The following FOXP2 variants were observed in gnomAD, a reference collection of about 807,000 sequenced individuals.
FOXP2 encodes the protein forkhead box protein P2.
FOXP2 carries 12 observed loss-of-function variants against 115.8 expected under a neutral mutation model. That is an observed-to-expected ratio of 0.10 (90% confidence interval 0.07 to 0.17). The LOEUF (loss-of-function observed/expected upper bound fraction) is 0.17, where lower values mean the gene tolerates loss of function less well. FOXP2 is among the 10% of genes least tolerant of loss of function. The pLI, the probability that FOXP2 is intolerant of heterozygous loss-of-function variation, is 1.00. For missense variants in FOXP2, 629 were observed against 843.5 expected (o/e 0.75, Z 3.15); for synonymous variants, 328 against 297.7 (o/e 1.10, Z -1.05).
chr7:114,218,797 T>C (rs1399082683), intron 1 of FOXP2, among the ~76,000 whole-genome samples: 10 of 152,202 alleles, frequency 6.6e-5, no homozygotes, highest in Admixed American at 6.5e-4. Flanking sequence ...CTGTCAATCA[T>C]TAAGGATAGT....
intron 3 of FOXP2, among the ~76,000 whole-genome samples, chr7:114,564,392 G>A (rs1800900254): frequency 6.6e-6 from 1 of 151,980 alleles, no homozygotes; most frequent in Non-Finnish European, 1.5e-5. Flanking sequence ...TAAAACTTAG[G>A]ATCCATGGAT....
intron 1 of FOXP2, among the ~76,000 whole-genome samples, chr7:114,145,882 A>G (rs1051091818): frequency 6.6e-6 from 1 of 152,192 alleles, no homozygotes; most frequent in Non-Finnish European, 1.5e-5. Context: ...GTGTGTAAAC[A>G]TTATTTACAT....
Position 114,664,407 on chromosome 7 carries a change from T to C in FOXP2, c.1974T>C (p.Ser658=). 1 of 1,613,538 alleles carries C rather than the reference T, an allele frequency of 6.2e-7. No individual in the cohort carries two copies. The highest frequency in any genetic ancestry group is 8.5e-7 in the Non-Finnish European group (1 of 1,179,658). Residue 658 remains serine (S), a synonymous_variant, in exon 16 of 17, where the codon AGT becomes AGC. Coordinates refer to ENST00000350908, the MANE Select transcript of FOXP2 (RefSeq NM_014491.4). The part of the protein sequence containing the change: ...SLDHIDSNGN[S]SPGCSPQPHI... ...ATCACATTGACAGCAATGGAAACAGTAGTCCGGGCTGCTCACCTCAGCCGC... is the reference window on the plus strand; with the variant it reads ...ATCACATTGACAGCAATGGAAACAGCAGTCCGGGCTGCTCACCTCAGCCGC...
intron 2 of FOXP2, among the ~76,000 whole-genome samples, chr7:114,357,573 T>C (rs1223558438): frequency 7.2e-5 from 11 of 152,114 alleles, no homozygotes; most frequent in Admixed American, 3.9e-4. Context: ...ACCACACGGT[T>C]CTTTGGCCAC....
chr7:114,676,132 T>C (rs1416645077), intron 16 of FOXP2, among the ~76,000 whole-genome samples: 1 of 149,982 alleles, frequency 6.7e-6, no homozygotes, highest in African/African-American at 2.4e-5. Flanking sequence ...TTTCTTCTTG[T>C]TGGCCAGTCT....
At chr7:114,258,125 G>A (rs547591434) in intron 1 of FOXP2, among the ~76,000 whole-genome samples, 1 of 152,248 alleles carries the variant, frequency 6.6e-6, no homozygotes, top group South Asian at 2.1e-4. Flanking sequence ...TGGGATCAAA[G>A]GCAAAACCAG....
intron 13 of FOXP2, 59 bp from the exon 14 acceptor site, chr7:114,662,006 G>A: frequency 6.3e-7 from 1 of 1,597,554 alleles, no homozygotes. Context: ...TAGTATGTTG[G>A]GCTGCCTTAT....
Position 114,691,751 on chromosome 7 carries a change from C to T in FOXP2, c.*1825C>T, listed in dbSNP as rs1377283070. The T allele has an allele frequency of 2.2e-5, 10 of 453,646 alleles. No individual in the cohort carries two copies. The highest frequency in any genetic ancestry group is 9.3e-5 in the South Asian group (6 of 64,386). 28.1% of individuals were successfully genotyped at this position (453,646 alleles called of 1,614,324 possible). On this transcript the variant is annotated 3_prime_UTR_variant, in exon 17 of 17. Transcript: ENST00000350908. Reference sequence around the variant, plus strand: ...GCTGCTAGAGCTTAACATACGTTCCCGTTCCATGTGATGGAACCGGTTCTT... The same window carrying T: ...GCTGCTAGAGCTTAACATACGTTCCTGTTCCATGTGATGGAACCGGTTCTT...
At chr7:114,179,483 G>A (rs1458540779) in intron 1 of FOXP2, among the ~76,000 whole-genome samples, 1 of 151,974 alleles carries the variant, frequency 6.6e-6, no homozygotes, top group Non-Finnish European at 1.5e-5. Flanking sequence ...GTTCAAGCCT[G>A]TGTTTTCAAT....
At chr7:114,156,888 C>A (rs929137821) in intron 1 of FOXP2, among the ~76,000 whole-genome samples, 7 of 152,052 alleles carry the variant, frequency 4.6e-5, no homozygotes, top group African/African-American at 1.7e-4. Context: ...TGACTTAGAA[C>A]TTTAAATAAG....
intron 9 of FOXP2, 55 bp downstream of exon 9, chr7:114,652,345 G>T: frequency 6.6e-7 from 1 of 1,506,476 alleles, no homozygotes; most frequent in South Asian, 1.2e-5. Context: ...GTGTTACATT[G>T]AGTACTGAGC....
intron 2 of FOXP2, among the ~76,000 whole-genome samples, chr7:114,316,491 A>G (rs926100571): frequency 3.3e-5 from 5 of 152,204 alleles, no homozygotes; most frequent in African/African-American, 4.8e-5. Flanking sequence ...AGTGAATAAT[A>G]TGCTAAGTGA....
intron 16 of FOXP2, chr7:114,667,711 T>A (rs1165280116): frequency 1.3e-5 from 2 of 152,178 alleles, no homozygotes; most frequent in Admixed American, 6.6e-5. Flanking sequence ...CTATGGTGTT[T>A]GTTTCAGTCA....
intron 2 of FOXP2, among the ~76,000 whole-genome samples, chr7:114,494,492 T>C (rs1797220333): frequency 6.6e-6 from 1 of 152,106 alleles, no homozygotes; most frequent in Non-Finnish European, 1.5e-5. Flanking sequence ...GCTAAAACAA[T>C]ATTTCTCTTT....
At chr7:114,633,671 G>A (rs933172557) in intron 6 of FOXP2, among the ~76,000 whole-genome samples, 1 of 152,134 alleles carries the variant, frequency 6.6e-6, no homozygotes, top group Admixed American at 6.6e-5. Flanking sequence ...ATGATTAAGT[G>A]TGAAAAATAT....
At chr7:114,392,738 A>G (rs1202214002) in intron 2 of FOXP2, among the ~76,000 whole-genome samples, 2 of 152,180 alleles carry the variant, frequency 1.3e-5, no homozygotes, top group Non-Finnish European at 1.5e-5. Context: ...CACATCAAAA[A>G]CTCACAGAAG....
chr7:114,253,166 A>G (rs1041048238), intron 1 of FOXP2, among the ~76,000 whole-genome samples: 4 of 152,146 alleles, frequency 2.6e-5, no homozygotes, highest in African/African-American at 9.7e-5. Flanking sequence ...ACAGTTTGTT[A>G]TAATTTCTGT....
In FOXP2 at chr7:114,120,670, A is replaced by ATG. The variant is rs571409501; in HGVS notation, c.-247+32852_-247+32853dup. 4.5e-3 allele frequency among the ~76,000 whole-genome samples: 668 copies of ATG among 147,296 alleles called. 3 individuals are homozygous for ATG. Among genetic ancestry groups the ATG allele is most frequent in the South Asian group, 5.8e-3 (26 of 4,518 alleles). Reference sequence around the variant, plus strand: ...ACTCTTCTAAGCACTTCATATATGTATGTGTGTGTGTGTGTGTGTGTATAT... The same window carrying ATG: ...ACTCTTCTAAGCACTTCATATATGTATGTGTGTGTGTGTGTGTGTGTGTATAT... On this transcript the variant is annotated intron_variant, in intron 1 of 19. Transcript: ENST00000635638.
At chr7:114,390,570 T>C (rs1477053601) in intron 2 of FOXP2, among the ~76,000 whole-genome samples, 7 of 152,098 alleles carry the variant, frequency 4.6e-5, no homozygotes, top group Admixed American at 3.3e-4. Context: ...AGTTGGTTAT[T>C]TGAGACAGGG....
Sources: allele counts gnomAD v4.1 joint callset (sites outside exome capture counted in the v4.1 genomes callset), GRCh38; gene constraint gnomAD v4.1.1; transcripts MANE v1.5; gene names NCBI Gene and HGNC (gene_info 2026-07-23, HGNC 2026-07-21).